Variants in SAMD5 observed in about 807,000 individuals in gnomAD.
The protein encoded by SAMD5 is sterile alpha motif domain containing 5, also known as sterile alpha motif domain-containing protein 5.
Under a neutral mutation model 11.3 loss-of-function variants are expected in SAMD5, and 13 were observed. That is an observed-to-expected ratio of 1.15 (90% CI 0.75 to 1.83). The LOEUF is 1.83. Ranked by LOEUF, SAMD5 falls within the 40% of genes most tolerant of loss-of-function variation. SAMD5 has a pLI of 0.00. For synonymous variants in SAMD5, 129 were observed against 111.3 expected (o/e 1.16, Z -1.00); for missense variants, 255 against 239.1 (o/e 1.07, Z -0.44).
chr6:147,678,929 A>G (rs1290820389), intron 1 of SAMD5, among the ~76,000 whole-genome samples: 1 of 152,158 alleles, frequency 6.6e-6, no homozygotes, highest in African/African-American at 2.4e-5. Context: ...CATCGTCTCC[A>G]AAAGTGTATT....
the SAMD5 span, among the ~76,000 whole-genome samples, chr6:147,935,630 C>T: frequency 0.1 from 15,457 of 152,004 alleles, 1,033 homozygotes; most frequent in East Asian, 0.27. Flanking sequence ...AAAGAATGCA[C>T]GTAAAACCAT....
downstream of SAMD5, among the ~76,000 whole-genome samples, chr6:147,573,165 A>G (rs1369367632): frequency 2.0e-5 from 3 of 152,182 alleles, no homozygotes; most frequent in African/African-American, 7.2e-5. Flanking sequence ...ACAAACCTGG[A>G]TACAAAGCCC....
the SAMD5 span, among the ~76,000 whole-genome samples, chr6:147,907,523 G>T: frequency 6.6e-6 from 1 of 152,292 alleles, no homozygotes; most frequent in African/African-American, 2.4e-5. Flanking sequence ...CTGTGTTCAC[G>T]TGGGCACTGT....
chr6:147,818,089 A>G, the SAMD5 span, among the ~76,000 whole-genome samples: 10 of 152,234 alleles, frequency 6.6e-5, no homozygotes, highest in Non-Finnish European at 8.8e-5. Context: ...GAAGCTATGT[A>G]CACAGGTGAA....
the SAMD5 span, among the ~76,000 whole-genome samples, chr6:147,835,149 C>T: frequency 1.3e-5 from 2 of 148,940 alleles, no homozygotes; most frequent in African/African-American, 5.0e-5. Flanking sequence ...AGGAGAATCA[C>T]TTGAACCTGG....
At chr6:147,813,762 G>A in the SAMD5 span, among the ~76,000 whole-genome samples, 1 of 152,160 alleles carries the variant, frequency 6.6e-6, no homozygotes, top group Non-Finnish European at 1.5e-5. Flanking sequence ...CTAATTTTCT[G>A]TTCTTCTAAA....
At chr6:147,606,624 G>A (rs9497816) in intron 1 of SAMD5, among the ~76,000 whole-genome samples, 3,184 of 151,724 alleles carry the variant, frequency 0.021, 110 homozygotes, top group African/African-American at 0.073. Context: ...ACAGATAGAG[G>A]AATCACAGTA....
At chr6:147,749,521 C>G in the SAMD5 span, among the ~76,000 whole-genome samples, 1 of 151,982 alleles carries the variant, frequency 6.6e-6, no homozygotes, top group Non-Finnish European at 1.5e-5. Context: ...GTGGAGGACT[C>G]TTGTTGGGGA....
chr6:147,515,850 CTG>C (rs1231280389), intron 1 of SAMD5, among the ~76,000 whole-genome samples: 1 of 152,092 alleles, frequency 6.6e-6, no homozygotes, highest in Non-Finnish European at 1.5e-5. Flanking sequence ...AAAATCAACT[CTG>C]ATTAAAACCC....
the SAMD5 span, among the ~76,000 whole-genome samples, chr6:147,800,742 G>A: frequency 2.0e-5 from 3 of 148,910 alleles, no homozygotes; most frequent in African/African-American, 5.0e-5. Context: ...TTTAAAAATA[G>A]CACTAATAAT....
chr6:147,950,010 A>G, the SAMD5 span, among the ~76,000 whole-genome samples: 1,292 of 152,328 alleles, frequency 8.5e-3, 8 homozygotes, highest in African/African-American at 0.013. Flanking sequence ...TGAAGATACA[A>G]TGTTAGAGCA....
the SAMD5 span, among the ~76,000 whole-genome samples, chr6:147,920,761 A>T: frequency 6.6e-5 from 10 of 152,212 alleles, no homozygotes; most frequent in Non-Finnish European, 1.0e-4. Flanking sequence ...TCATGGCATT[A>T]CTGTTCAGGC....
chr6:147,566,301 C>A lies in SAMD5; in HGVS notation c.*1845C>A. 1.0e-6 allele frequency: 1 copy of A among 971,538 alleles called. No individual in the cohort carries two copies. The highest frequency in any genetic ancestry group is 1.2e-6 in the Non-Finnish European group (1 of 819,134). The allele number at this position is 971,538 out of a possible 1,614,324, so 60.2% of individuals were successfully genotyped here. A position where few individuals can be genotyped will look rare whatever the true frequency, so the allele number is the denominator to read the frequency against. On this transcript the variant is annotated 3_prime_UTR_variant, in exon 2 of 2. Coordinates refer to ENST00000367474, the MANE Select transcript of SAMD5 (RefSeq NM_001030060.3). ...TAACCTTTCATCTTTTTTTTTTTTC[C>A]AAATGAACTAGGGTCTTTAAAATTC... is the stretch of plus-strand genomic sequence containing the variant.
chr6:147,845,151 G>A, the SAMD5 span, among the ~76,000 whole-genome samples: 6 of 151,914 alleles, frequency 3.9e-5, no homozygotes, highest in Non-Finnish European at 8.8e-5. Flanking sequence ...TTAAAAATAT[G>A]TTTTTCCAAT....
the SAMD5 span, among the ~76,000 whole-genome samples, chr6:147,877,881 C>CACGATA: frequency 9.7e-5 from 8 of 82,372 alleles, no homozygotes; most frequent in African/African-American, 3.7e-4. Flanking sequence ...CACACACACA[C>CACGATA]GATAGATAGA....
intron 1 of SAMD5, among the ~76,000 whole-genome samples, chr6:147,618,257 TA>T (rs569550801): frequency 3.6e-4 from 55 of 152,298 alleles, no homozygotes; most frequent in Middle Eastern, 3.4e-3. Context: ...TCATCGGCAT[TA>T]ACGTGTAGGT....
chr6:147,768,892 C>T, the SAMD5 span, among the ~76,000 whole-genome samples: 1 of 152,182 alleles, frequency 6.6e-6, no homozygotes. Flanking sequence ...CTCCCAGGTT[C>T]AAGCGATTCT....
At chr6:147,540,355 T>C (rs1788580786) in intron 1 of SAMD5, among the ~76,000 whole-genome samples, 1 of 152,194 alleles carries the variant, frequency 6.6e-6, no homozygotes, top group South Asian at 2.1e-4. Context: ...GAGAAGCCAG[T>C]TTCAAGCTTG....
chr6:147,582,704 T>G (rs1177488009), intron 1 of SAMD5, among the ~76,000 whole-genome samples: 1 of 152,240 alleles, frequency 6.6e-6, no homozygotes, highest in African/African-American at 2.4e-5. Context: ...AATACTTGTT[T>G]TGGCTTTTTC....
Sources: allele counts gnomAD v4.1 joint callset (sites outside exome capture counted in the v4.1 genomes callset), GRCh38; gene constraint gnomAD v4.1.1; transcripts MANE v1.5; gene names NCBI Gene and HGNC (gene_info 2026-07-23, HGNC 2026-07-21).